Variants in B3GNT5 observed in about 807,000 individuals in gnomAD.
B3GNT5 encodes the protein lactosylceramide 1,3-N-acetyl-beta-D-glucosaminyltransferase.
A neutral mutation model predicts 25.9 loss-of-function variants in B3GNT5; 11 were observed. The observed-to-expected ratio is 0.42, with a 90% CI of 0.27 to 0.70. The LOEUF (loss-of-function observed/expected upper bound fraction) is 0.70, where lower values mean the gene tolerates loss of function less well. B3GNT5 is among the 30% of genes least tolerant of loss of function. The pLI, the probability that B3GNT5 is intolerant of heterozygous loss-of-function variation, is 0.23. For synonymous variants in B3GNT5, 166 were observed against 158.6 expected (o/e 1.05, Z -0.35); for missense variants, 385 against 458.4 (o/e 0.84, Z 1.46).
chr3:183,258,155 A>AC (rs1725243338), intron 1 of B3GNT5: 1 of 151,910 alleles, frequency 6.6e-6, no homozygotes, highest in Non-Finnish European at 1.5e-5. Flanking sequence ...TTTAGTAGAG[A>AC]TGGGGTTTCA....
chr3:183,263,725 C>T (rs1384676271), intron 1 of B3GNT5, among the ~76,000 whole-genome samples: 4 of 152,142 alleles, frequency 2.6e-5, no homozygotes, highest in East Asian at 1.9e-4. Context: ...TCCATCGCCT[C>T]GAACTCAATG....
At position 183,270,688 on chromosome 3, in the gene B3GNT5, C is replaced by T. The variant is rs147845897; in HGVS notation, c.890C>T (p.Pro297Leu). The change falls in exon 2 of 2, where the codon CCG (proline) becomes CTG (leucine). Residue 297 changes from proline to leucine, a missense_variant. Coordinates refer to ENST00000326505, the MANE Select transcript of B3GNT5 (RefSeq NM_032047.5). This position sits in a 1 kb window ranked among gnomAD's most constrained non-coding sequence, Gnocchi z 4.5. ...GLCANKIGIV[P>L]QDHVFFSGEG... is the part of the protein sequence containing the mutation. ...TGTGCCAATAAAATAGGGATAGTACCGCAGGACCATGTGTTTTTTTCTGGA... is the reference window on the plus strand; with the variant it reads ...TGTGCCAATAAAATAGGGATAGTACTGCAGGACCATGTGTTTTTTTCTGGA... 4.6e-4 allele frequency: 749 copies of T among 1,613,940 alleles called. No individual in the cohort carries two copies. Among genetic ancestry groups the T allele is most frequent in the Non-Finnish European group, 6.0e-4 (707 of 1,179,964 alleles).
In B3GNT5 at chr3:183,272,021, A is replaced by G. The variant is rs559564317; in HGVS notation, c.*1086A>G. 6.7e-6 allele frequency: 3 copies of G among 449,696 alleles called. No homozygotes were observed. In the South Asian group the frequency reaches 2.9e-4, roughly 44 times the overall value. 27.9% of individuals were successfully genotyped at this position (449,696 alleles called of 1,614,324 possible). A position where few individuals can be genotyped will look rare whatever the true frequency, so the allele number is the denominator to read the frequency against. On this transcript the variant is annotated 3_prime_UTR_variant, in exon 2 of 2. Coordinates refer to ENST00000326505, the MANE Select transcript of B3GNT5 (RefSeq NM_032047.5). ...GAGAGCATTAAACATCAAAGTTATAATATCTAAAACAATTTATTTTTCATC... is the reference window on the plus strand; with the variant it reads ...GAGAGCATTAAACATCAAAGTTATAGTATCTAAAACAATTTATTTTTCATC...
At chr3:183,256,853 C>T (rs559874809) in intron 1 of B3GNT5, among the ~76,000 whole-genome samples, 4 of 130,394 alleles carry the variant, frequency 3.1e-5, no homozygotes, top group Non-Finnish European at 4.5e-5. Flanking sequence ...AACGGAAGAC[C>T]GTTATTCCAT....
intron 1 of B3GNT5, among the ~76,000 whole-genome samples, chr3:183,260,544 A>T (rs150609425): frequency 1.3e-5 from 2 of 152,158 alleles, no homozygotes; most frequent in Non-Finnish European, 2.9e-5. Context: ...GTTACTGGGA[A>T]TTATTGAGTT....
intron 1 of B3GNT5, among the ~76,000 whole-genome samples, chr3:183,254,385 T>C (rs564790707): frequency 3.6e-3 from 553 of 151,942 alleles, no homozygotes; most frequent in African/African-American, 0.013. Flanking sequence ...GCCCGCCCTC[T>C]GAAAGCGCGG....
In B3GNT5 at chr3:183,257,958, C is replaced by CTTTTTTTTTTTT. The variant is rs35323502; in HGVS notation, c.-302+4502_-302+4513dup. 2.4e-3 allele frequency among the ~76,000 whole-genome samples: 155 copies of CTTTTTTTTTTTT among 64,742 alleles called. 27 individuals carry two copies. Among genetic ancestry groups the CTTTTTTTTTTTT allele is most frequent in the African/African-American group, 9.4e-3 (136 of 14,400 alleles). 42.5% of individuals were successfully genotyped at this position (64,742 alleles called of 152,430 possible). A position where few individuals can be genotyped will look rare whatever the true frequency, so the allele number is the denominator to read the frequency against. ...TATTCCTTGCTCCCTCCACTTCACCCTTTTTTTTTTTTTTTTTTTTTTTTT... is the reference window on the plus strand; with the variant it reads ...TATTCCTTGCTCCCTCCACTTCACCCTTTTTTTTTTTTTTTTTTTTTTTTTTTTTTTTTTTTT... On this transcript the variant is annotated intron_variant, in intron 1 of 1. Transcript: ENST00000326505.
intron 1 of B3GNT5, among the ~76,000 whole-genome samples, chr3:183,262,466 A>T (rs1339063523): frequency 6.6e-6 from 1 of 152,024 alleles, no homozygotes; most frequent in Non-Finnish European, 1.5e-5. Flanking sequence ...TTGATTTTTT[A>T]AAAATATTGC....
chr3:183,272,370 G>A lies in B3GNT5; in HGVS notation c.*1435G>A. ...TCACTCTAAGGCCTTTGACTGCAGA[G>A]GCACCTGTTAGGGAAAATCAGATGT... On this transcript the variant is annotated 3_prime_UTR_variant, in exon 2 of 2. Coordinates refer to ENST00000326505, the MANE Select transcript of B3GNT5 (RefSeq NM_032047.5). 1.0e-6 allele frequency: 1 copy of A among 1,000,230 alleles called. No homozygotes were observed. The highest frequency in any genetic ancestry group is 1.2e-6 in the Non-Finnish European group (1 of 829,998). The allele number at this position is 1,000,230 out of a possible 1,614,324, so 62.0% of individuals were successfully genotyped here.
intron 1 of B3GNT5, among the ~76,000 whole-genome samples, chr3:183,262,322 C>G (rs1472434349): frequency 2.6e-5 from 4 of 151,918 alleles, no homozygotes; most frequent in African/African-American, 9.7e-5. Context: ...CAATATTCAG[C>G]CCCCAGCAGG....
chr3:183,262,565 C>T lies in B3GNT5; in HGVS notation c.-301-6933C>T, dbSNP rs368382623. ...TGGCTCCCTTGTCTCCCCCTAGTCC[C>T]GGCCCGATCAGTATGTTTTATAGAG... On this transcript the variant is annotated intron_variant, in intron 1 of 1. Transcript: ENST00000326505. Among the ~76,000 whole-genome samples, 25 of 152,112 alleles carry T rather than the reference C, an allele frequency of 1.6e-4. 1 individual carries two copies. Among genetic ancestry groups the T allele is most frequent in the African/African-American group, 5.5e-4 (23 of 41,498 alleles).
At chr3:183,265,158 G>A (rs1241103685) in intron 1 of B3GNT5, 5 of 152,180 alleles carry the variant, frequency 3.3e-5, no homozygotes, top group African/African-American at 1.2e-4. Flanking sequence ...ATTCATCCCT[G>A]ATTTGCAGAT....
At position 183,272,615 on chromosome 3, in the gene B3GNT5, A is replaced by G. The variant is rs896459409; in HGVS notation, c.*1680A>G. On this transcript the variant is annotated 3_prime_UTR_variant, in exon 2 of 2. Transcript: ENST00000326505. ...TCAAAACTACAGTGTCAAACATTCT[A>G]GGTTGTAGTTACTTTCAGAGTAGAT... 2 of 998,866 alleles carry G rather than the reference A, an allele frequency of 2.0e-6. No individual in the cohort carries two copies. Among genetic ancestry groups the G allele is most frequent in the African/African-American group, 3.5e-5 (2 of 57,216 alleles). The allele number at this position is 998,866 out of a possible 1,614,324, so 61.9% of individuals were successfully genotyped here. A position where few individuals can be genotyped will look rare whatever the true frequency, so the allele number is the denominator to read the frequency against.
chr3:183,263,292 A>G (rs1362182726), intron 1 of B3GNT5, among the ~76,000 whole-genome samples: 1 of 152,094 alleles, frequency 6.6e-6, no homozygotes, highest in Non-Finnish European at 1.5e-5. Flanking sequence ...AATACAGTTC[A>G]CTGTTGCTTT....
rs996458995 is a variant in B3GNT5 at position 183,253,281 on chromosome 3, C to G, written c.-493C>G. On this transcript the variant is annotated 5_prime_UTR_variant, in exon 1 of 2. Transcript: ENST00000326505. ...TACAGCCCGCATCCCGCCGGGGAAG[C>G]GAGCCCAGTCCAGCGCTGCCCGTCC... 2.6e-5 allele frequency: 4 copies of G among 151,594 alleles called. No individual in the cohort carries two copies. Among genetic ancestry groups the G allele is most frequent in the Non-Finnish European group, 4.4e-5 (3 of 67,918 alleles). 9.4% of individuals were successfully genotyped at this position (151,594 alleles called of 1,614,324 possible).
chr3:183,267,532 G>A lies in B3GNT5; in HGVS notation c.-301-1966G>A, dbSNP rs537802094. Among the ~76,000 whole-genome samples the A allele has an allele frequency of 3.3e-5, 5 of 152,340 alleles. No homozygotes were observed. The highest frequency in any genetic ancestry group is 2.1e-4 in the South Asian group (1 of 4,828). Reference sequence around the variant, plus strand: ...GGTTTTCTATCAGGGGTCAACCGGCGGGGGGACTTGAGAACAGATCTCTGG... The same window carrying A: ...GGTTTTCTATCAGGGGTCAACCGGCAGGGGGACTTGAGAACAGATCTCTGG... On this transcript the variant is annotated intron_variant, in intron 1 of 1. Transcript: ENST00000326505. This position sits in a 1 kb window ranked among gnomAD's most constrained non-coding sequence, Gnocchi z 5.5.
chr3:183,258,165 A>G (rs1033851631), intron 1 of B3GNT5: 1 of 151,934 alleles, frequency 6.6e-6, no homozygotes, highest in East Asian at 1.9e-4. Context: ...ATGGGGTTTC[A>G]CCATGTTAGC....
In B3GNT5 at chr3:183,272,320, A is replaced by G; in HGVS notation, c.*1385A>G. 2.0e-6 allele frequency: 2 copies of G among 1,000,328 alleles called. No individual in the cohort carries two copies. Among genetic ancestry groups the G allele is most frequent in the African/African-American group, 1.7e-5 (1 of 57,376 alleles). 62.0% of individuals were successfully genotyped at this position (1,000,328 alleles called of 1,614,324 possible). A position where few individuals can be genotyped will look rare whatever the true frequency, so the allele number is the denominator to read the frequency against. On this transcript the variant is annotated 3_prime_UTR_variant, in exon 2 of 2. Coordinates refer to ENST00000326505, the MANE Select transcript of B3GNT5 (RefSeq NM_032047.5). Reference sequence around the variant, plus strand: ...GGGAGATTATATGAAGGCCAAAATAATGACTTCAGCAAGAGTGACTGAACT... The same window carrying G: ...GGGAGATTATATGAAGGCCAAAATAGTGACTTCAGCAAGAGTGACTGAACT...
In B3GNT5 at chr3:183,270,237, G is replaced by T. The variant is rs902915427; in HGVS notation, c.439G>T (p.Ala147Ser). The change falls in exon 2 of 2, where the codon GCT becomes TCT. Residue 147 changes from alanine to serine, a missense_variant. Transcript: ENST00000326505. The surrounding 1 kb of genome is among the most constrained non-coding windows in gnomAD (Gnocchi z 4.5). ...LEGEELQRKL[A>S]WEDQRYNDII... The stretch of plus-strand genomic sequence containing the variant: ...GGGAGAAGAACTACAAAGAAAACTG[G>T]CTTGGGAAGATCAAAGGTACAATGA... 11 of 1,614,020 alleles carry T rather than the reference G, an allele frequency of 6.8e-6. No individual in the cohort carries two copies. The highest frequency in any genetic ancestry group is 9.3e-6 in the Non-Finnish European group (11 of 1,180,010).
Sources: allele counts gnomAD v4.1 joint callset (sites outside exome capture counted in the v4.1 genomes callset), GRCh38; gene constraint gnomAD v4.1.1; non-coding constraint Gnocchi (gnomAD v3.1); transcripts MANE v1.5; gene names NCBI Gene and HGNC (gene_info 2026-07-23, HGNC 2026-07-21).